Variants in VPS41 observed in about 807,000 individuals in gnomAD.
The protein encoded by VPS41 is vacuolar protein sorting-associated protein 41 homolog.
VPS41 carries 85 observed loss-of-function variants against 130.9 expected under a neutral mutation model. That is an observed-to-expected ratio of 0.65 (90% CI 0.55 to 0.78). The LOEUF is 0.78. Ranked by LOEUF, VPS41 falls within the 30% of genes least tolerant of loss-of-function variation. VPS41 has a pLI of 0.00. For missense variants in VPS41, 874 were observed against 1,018.7 expected (o/e 0.86, Z 1.93); for synonymous variants, 335 against 332.9 (o/e 1.01, Z -0.07).
chr7:38,754,713 G>C lies in VPS41; in HGVS notation c.1777C>G (p.Leu593Val), dbSNP rs752370787. Residue 593 changes from leucine to valine, a missense_variant, in exon 21 of 29, where the codon CTA becomes GTA. Transcript: ENST00000310301. ...VVEELEDRPE[L>V]QHVYLHKLFK... ...ACTGCCATGCTCACCACATGCTGTA[G>C]CTCTGGTCTGTCTTCCAATTCTTCC... is the stretch of plus-strand genomic sequence containing the variant. 6.2e-7 allele frequency: 1 copy of C among 1,613,392 alleles called. No homozygotes were observed. The highest frequency in any genetic ancestry group is 1.7e-5 in the Admixed American group (1 of 59,972).
chr7:38,754,490 T>C (rs1783749082), intron 21 of VPS41, among the ~76,000 whole-genome samples: 2 of 152,230 alleles, frequency 1.3e-5, no homozygotes, highest in South Asian at 4.1e-4. Context: ...GGGTCAAAAT[T>C]CAACTGCCTG....
chr7:38,849,878 C>G (rs374451859), intron 4 of VPS41, among the ~76,000 whole-genome samples: 1 of 151,786 alleles, frequency 6.6e-6, no homozygotes, highest in East Asian at 1.9e-4. Flanking sequence ...GGAGCCCTAG[C>G]CAGAGACACA....
In VPS41 at chr7:38,726,954, A is replaced by G. The variant is rs139371771; in HGVS notation, c.2439T>C (p.His813=). ...ACTCCTTGTGGAACATGTGCCGGCA[A>G]TGGAAGACCACCACGCTGAAGGGCT... is the stretch of plus-strand genomic sequence containing the variant. ...AAKPFSVVVF[H]CRHMFHKECL... Residue 813 remains histidine, a synonymous_variant, in exon 28 of 29, where the codon CAT becomes CAC. Coordinates refer to ENST00000310301, the MANE Select transcript of VPS41 (RefSeq NM_014396.4). 1.4e-4 allele frequency: 225 copies of G among 1,592,684 alleles called. 7 individuals are homozygous for G. The South Asian group carries it at 1.5e-3, about 10-fold the overall frequency.
chr7:38,858,767 A>G (rs1163483066), intron 4 of VPS41, among the ~76,000 whole-genome samples: 3 of 152,232 alleles, frequency 2.0e-5, no homozygotes, highest in Admixed American at 2.0e-4. Flanking sequence ...TAGCACACAC[A>G]ATTATGTACT....
At chr7:38,901,536 CA>C (rs1787144582) in intron 1 of VPS41, among the ~76,000 whole-genome samples, 1 of 152,102 alleles carries the variant, frequency 6.6e-6, no homozygotes, top group Non-Finnish European at 1.5e-5. Flanking sequence ...CTCTTTTTAA[CA>C]ACCAGCTCTC....
intron 7 of VPS41, among the ~76,000 whole-genome samples, chr7:38,807,070 T>C (rs1021613972): frequency 9.2e-5 from 14 of 152,346 alleles, no homozygotes; most frequent in South Asian, 2.1e-4. Context: ...TTACCAGTTA[T>C]GACTTTGGCT....
At chr7:38,771,759 C>T (rs1469698695) in intron 13 of VPS41, among the ~76,000 whole-genome samples, 1 of 152,092 alleles carries the variant, frequency 6.6e-6, no homozygotes, top group Non-Finnish European at 1.5e-5. Flanking sequence ...GGAAAGTTTA[C>T]AAATACTACT....
At chr7:38,836,923 T>G (rs550211292) in intron 4 of VPS41, among the ~76,000 whole-genome samples, 2 of 152,314 alleles carry the variant, frequency 1.3e-5, no homozygotes, top group South Asian at 4.1e-4. Flanking sequence ...AAATATACAT[T>G]ATCTATTATG....
intron 4 of VPS41, among the ~76,000 whole-genome samples, chr7:38,844,206 CGATTCCTTCCCAGT>C (rs1785674511): frequency 6.6e-6 from 1 of 152,194 alleles, no homozygotes; most frequent in African/African-American, 2.4e-5. Context: ...GAACTGCAGA[CGATTCCTTCCCAGT>C]GATTTCAAAC....
rs570278505 is a variant in VPS41, at chr7:38,752,838, C to T, written c.1789-525G>A. Among the ~76,000 whole-genome samples, 16 of 152,240 alleles carry T rather than the reference C, an allele frequency of 1.1e-4. No homozygotes were observed. The East Asian group carries it at 1.4e-3, about 13-fold the overall frequency. ...CACATATTCTTAAAAACTCAAGTAG[C>T]GGGCACTAAACTCATTTCCATACAT... is the stretch of plus-strand genomic sequence containing the variant. On this transcript the variant is annotated intron_variant, in intron 21 of 28. Transcript: ENST00000310301.
At chr7:38,900,626 G>T (rs1787120566) in intron 1 of VPS41, among the ~76,000 whole-genome samples, 3 of 152,176 alleles carry the variant, frequency 2.0e-5, no homozygotes, top group Admixed American at 2.0e-4. Context: ...ACACCAGAAA[G>T]CATGCAGTGC....
chr7:38,884,753 G>C (rs1396214120), intron 2 of VPS41, among the ~76,000 whole-genome samples: 1 of 152,200 alleles, frequency 6.6e-6, no homozygotes. Context: ...ACTATAGGCA[G>C]AATAAGCCTA....
intron 3 of VPS41, among the ~76,000 whole-genome samples, chr7:38,867,545 CAA>C (rs978128090): frequency 7.6e-6 from 1 of 132,054 alleles, no homozygotes. Flanking sequence ...GACTCCATCT[CAA>C]AAAAAAAAAA....
At chr7:38,806,325 T>C (rs1784837148) in intron 7 of VPS41, among the ~76,000 whole-genome samples, 2 of 152,150 alleles carry the variant, frequency 1.3e-5, no homozygotes. Context: ...ATTTCAAGGT[T>C]CACCACATCA....
intron 22 of VPS41, among the ~76,000 whole-genome samples, chr7:38,748,142 G>A (rs1796022533): frequency 6.6e-6 from 1 of 152,174 alleles, no homozygotes; most frequent in Admixed American, 6.5e-5. Flanking sequence ...GAATGTTCCT[G>A]GACCATGGTG....
chr7:38,822,262 AC>A (rs1785186499), intron 5 of VPS41, among the ~76,000 whole-genome samples: 1 of 152,226 alleles, frequency 6.6e-6, no homozygotes, highest in African/African-American at 2.4e-5. Context: ...AATTTTTATG[AC>A]ACGAACATAT....
At chr7:38,817,597 G>A (rs1584410389) in intron 7 of VPS41, among the ~76,000 whole-genome samples, 1 of 152,174 alleles carries the variant, frequency 6.6e-6, no homozygotes, top group Non-Finnish European at 1.5e-5. Flanking sequence ...CATCCTGGGC[G>A]ACAGAGCAAG....
chr7:38,851,185 T>C (rs533270950), intron 4 of VPS41, among the ~76,000 whole-genome samples: 4 of 152,338 alleles, frequency 2.6e-5, no homozygotes, highest in East Asian at 1.9e-4. Context: ...AAACTCCTTC[T>C]ATATAATTAG....
chr7:38,737,186 C>G (rs1455283211), intron 25 of VPS41, among the ~76,000 whole-genome samples: 1 of 152,052 alleles, frequency 6.6e-6, no homozygotes, highest in Non-Finnish European at 1.5e-5. Context: ...CTATCCTGGC[C>G]AACATGGATA....
Sources: allele counts gnomAD v4.1 joint callset (sites outside exome capture counted in the v4.1 genomes callset), GRCh38; gene constraint gnomAD v4.1.1; transcripts MANE v1.5; gene names NCBI Gene and HGNC (gene_info 2026-07-23, HGNC 2026-07-21).